Variants in PPFIA3 observed in about 807,000 individuals in gnomAD.
PPFIA3 encodes liprin-alpha-3.
A neutral mutation model predicts 145.8 loss-of-function variants in PPFIA3; 26 were observed. The ratio of observed to expected loss-of-function variants is 0.18; its 90% confidence interval spans 0.13 to 0.25. PPFIA3 has a LOEUF of 0.25. Among genes scored for constraint, PPFIA3 ranks in the 10% least tolerant of loss-of-function variants. The pLI is 1.00. For synonymous variants in PPFIA3, 645 were observed against 661.4 expected (o/e 0.98, Z 0.38); for missense variants, 1,008 against 1,587.8 (o/e 0.63, Z 6.21).
At chr19:49,139,101 A>G (rs2041177581) in intron 16 of PPFIA3, among the ~76,000 whole-genome samples, 2 of 152,134 alleles carry the variant, frequency 1.3e-5, no homozygotes, top group African/African-American at 4.8e-5. Flanking sequence ...TCCTGCTTCC[A>G]GAACCTGTAA....
At position 49,133,232 on chromosome 19, in the gene PPFIA3, C is replaced by T. The variant is rs2041096807; in HGVS notation, c.1027-5C>T. The T allele has an allele frequency of 2.5e-6, 4 of 1,602,112 alleles. No individual in the cohort carries two copies. Among genetic ancestry groups the T allele is most frequent in the Non-Finnish European group, 3.4e-6 (4 of 1,173,382 alleles). On this transcript the variant is annotated splice_region_variant and splice_polypyrimidine_tract_variant and intron_variant, in intron 8 of 29. Transcript: ENST00000334186. The surrounding 1 kb of genome is among the most constrained non-coding windows in gnomAD (Gnocchi z 7.2). Reference sequence around the variant, plus strand: ...GTCCCCTCCCCCTGCCTCTCCCTCCCCCAGAGTGAAGAGAAGAGCCGTCAG... The same window carrying T: ...GTCCCCTCCCCCTGCCTCTCCCTCCTCCAGAGTGAAGAGAAGAGCCGTCAG...
intron 1 of PPFIA3, among the ~76,000 whole-genome samples, chr19:49,125,698 G>A (rs1436729489): frequency 6.6e-6 from 1 of 152,144 alleles, no homozygotes; most frequent in African/African-American, 2.4e-5. Flanking sequence ...TCTAAGCGAG[G>A]AAGCTGAGAG....
intron 13 of PPFIA3, 64 bp downstream of exon 13, chr19:49,134,979 C>A: frequency 7.4e-7 from 1 of 1,352,076 alleles, no homozygotes; most frequent in Non-Finnish European, 1.0e-6. Flanking sequence ...CCAAGCTCCT[C>A]CCTTCTGATC....
Position 49,150,318 on chromosome 19 carries a change from G to A in PPFIA3, c.*96G>A. 1.4e-6 allele frequency: 1 copy of A among 689,810 alleles called. No homozygotes were observed. Among genetic ancestry groups the A allele is most frequent in the Non-Finnish European group, 2.4e-6 (1 of 421,944 alleles). The allele number at this position is 689,810 out of a possible 1,614,324, so 42.7% of individuals were successfully genotyped here. A position where few individuals can be genotyped will look rare whatever the true frequency, so the allele number is the denominator to read the frequency against. ...GGACTGTGGCCTCGCCGGGGAGAGC[G>A]GGCGGGGGAGCTCGCGCCGAGGACT... On this transcript the variant is annotated 3_prime_UTR_variant, in exon 30 of 30. Coordinates refer to ENST00000334186, the MANE Select transcript of PPFIA3 (RefSeq NM_003660.4).
chr19:49,150,098 C>A lies in PPFIA3; in HGVS notation c.3545C>A (p.Ser1182Tyr). ...CCTCCAGGCCAGACTTCTGGGAGTT[C>A]CCGGGCAGACGGCGTTTCGGTCCGG... ...LQPEGQTSGS[S>Y]RADGVSVRTY... is the part of the protein sequence containing the mutation. Residue 1182 changes from serine to tyrosine, a missense_variant, in exon 29 of 30, where the codon TCC becomes TAC. Ser to Tyr is a moderately radical substitution (Grantham distance 144). This residue lies in a region of PPFIA3 where 125 missense variants were observed against 159.3 expected (regional missense o/e 0.78). Transcript: ENST00000334186. 6.2e-7 allele frequency: 1 copy of A among 1,610,566 alleles called. No individual in the cohort carries two copies. Among genetic ancestry groups the A allele is most frequent in the Non-Finnish European group, 8.5e-7 (1 of 1,178,788 alleles).
chr19:49,144,642 A>G (rs1225328123), intron 21 of PPFIA3, among the ~76,000 whole-genome samples: 1 of 151,924 alleles, frequency 6.6e-6, no homozygotes, highest in East Asian at 1.9e-4. Context: ...TGAGCCCAGG[A>G]GGTCGAGGCT....
At chr19:49,124,625 C>A (rs952136725) in intron 1 of PPFIA3, among the ~76,000 whole-genome samples, 4 of 152,154 alleles carry the variant, frequency 2.6e-5, no homozygotes, top group Admixed American at 2.6e-4. Context: ...TACGTCTATT[C>A]CCCACCCTGT....
intron 1 of PPFIA3, among the ~76,000 whole-genome samples, chr19:49,127,002 T>C (rs1319434064): frequency 7.2e-6 from 1 of 139,444 alleles, no homozygotes; most frequent in Non-Finnish European, 1.5e-5. Context: ...CTAAGAGCAA[T>C]GGCACAGGCA....
rs143110681 is a variant in PPFIA3, at chr19:49,137,761, T to G, written c.1854-444T>G. 4.1e-3 allele frequency among the ~76,000 whole-genome samples: 627 copies of G among 151,802 alleles called. 3 individuals are homozygous for G. Among genetic ancestry groups the G allele is most frequent in the African/African-American group, 0.014 (588 of 41,408 alleles). On this transcript the variant is annotated intron_variant, in intron 15 of 29. Transcript: ENST00000334186. ...TCTTATAATGTACTCCCCATGAGCC[T>G]TCGGCAAATATACCATGACCACCAC...
At chr19:49,121,487 AT>A (rs1050768798) in intron 1 of PPFIA3, among the ~76,000 whole-genome samples, 9 of 151,954 alleles carry the variant, frequency 5.9e-5, no homozygotes, top group African/African-American at 2.2e-4. Context: ...TTAAAAAAAA[AT>A]TTTTTTGGCC....
Position 49,130,281 on chromosome 19 carries a change from T to C in PPFIA3, c.658-97T>C. 2 of 1,288,392 alleles carry C rather than the reference T, an allele frequency of 1.6e-6. No individual in the cohort carries two copies. The allele number at this position is 1,288,392 out of a possible 1,614,324, so 79.8% of individuals were successfully genotyped here. Reference sequence around the variant, plus strand: ...CTCTGACCAGCATGATCCTTATTGATCTTTGATCTACTTTCAGCTGATTGA... The same window carrying C: ...CTCTGACCAGCATGATCCTTATTGACCTTTGATCTACTTTCAGCTGATTGA... On this transcript the variant is annotated intron_variant, in intron 6 of 29. Coordinates refer to ENST00000334186, the MANE Select transcript of PPFIA3 (RefSeq NM_003660.4). The surrounding 1 kb of genome is among the most constrained non-coding windows in gnomAD (Gnocchi z 4.5).
intron 25 of PPFIA3, 61 bp downstream of exon 25, chr19:49,148,824 G>A: frequency 1.3e-6 from 2 of 1,554,484 alleles, no homozygotes; most frequent in Admixed American, 1.7e-5. Flanking sequence ...TGGATGGGGA[G>A]GAGAGGGGGT....
At position 49,148,190 on chromosome 19, in the gene PPFIA3, T is replaced by C. The variant is rs1443482567; in HGVS notation, c.2943T>C (p.Ala981=). ...ACTTCATGGAGTCGCTGGTGGACGC[T>C]CGAATGTTAGATCACCTTAACAAGA... ...RSYFMESLVD[A]RMLDHLNKKE... Residue 981 remains alanine (A), a synonymous_variant, in exon 24 of 30, where the codon GCT becomes GCC. Transcript: ENST00000334186. 1 of 1,614,132 alleles carries C rather than the reference T, an allele frequency of 6.2e-7. No individual in the cohort carries two copies. The highest frequency in any genetic ancestry group is 1.1e-5 in the South Asian group (1 of 91,076).
chr19:49,143,354 T>G (rs1307999669), intron 21 of PPFIA3, among the ~76,000 whole-genome samples: 2 of 152,182 alleles, frequency 1.3e-5, no homozygotes, highest in Non-Finnish European at 2.9e-5. Flanking sequence ...ATTTATTGCC[T>G]TCTAATTATT....
chr19:49,148,578 G>A, intron 24 of PPFIA3, 88 bp from the exon 25 acceptor site: 1 of 1,064,156 alleles, frequency 9.4e-7, no homozygotes, highest in Non-Finnish European at 1.4e-6. Context: ...TTTCCAAGAA[G>A]AGCGCAGCCA....
intron 24 of PPFIA3, 32 bp downstream of exon 24, chr19:49,148,290 A>T: frequency 6.3e-7 from 1 of 1,596,420 alleles, no homozygotes; most frequent in East Asian, 2.2e-5. Flanking sequence ...GGGACAGTCC[A>T]AAGGGAAGCC....
chr19:49,148,096 G>A lies in PPFIA3; in HGVS notation c.2849G>A (p.Gly950Asp). ...CCATGGCCCCAGATCCTGGCATATGGCGACATGAACCACGAGTGGGTGGGG... is the reference window on the plus strand; with the variant it reads ...CCATGGCCCCAGATCCTGGCATATGACGACATGAACCACGAGTGGGTGGGG... ...EISWEQILAY[G>D]DMNHEWVGND... The change falls in exon 24 of 30, where the codon GGC becomes GAC. Residue 950 changes from glycine to aspartate, a missense_variant. Gly to Asp is a moderately conservative substitution (Grantham distance 94). Transcript: ENST00000334186. 1.9e-6 allele frequency: 3 copies of A among 1,612,802 alleles called. No homozygotes were observed. Among genetic ancestry groups the A allele is most frequent in the Non-Finnish European group, 2.5e-6 (3 of 1,179,256 alleles).
chr19:49,143,247 C>T (rs2041245158), intron 21 of PPFIA3, among the ~76,000 whole-genome samples: 1 of 152,256 alleles, frequency 6.6e-6, no homozygotes, highest in Non-Finnish European at 1.5e-5. Context: ...TTTGCTGTCC[C>T]ACTCAAATGT....
chr19:49,143,427 C>T (rs1452962409), intron 21 of PPFIA3, among the ~76,000 whole-genome samples: 1 of 152,070 alleles, frequency 6.6e-6, no homozygotes, highest in Non-Finnish European at 1.5e-5. Flanking sequence ...GGCTGGAGTG[C>T]AATGGCGCTA....
Sources: allele counts gnomAD v4.1 joint callset (sites outside exome capture counted in the v4.1 genomes callset), GRCh38; gene constraint gnomAD v4.1.1; regional missense constraint gnomAD v4.1.1; non-coding constraint Gnocchi (gnomAD v3.1); transcripts MANE v1.5; gene names NCBI Gene and HGNC (gene_info 2026-07-23, HGNC 2026-07-21).